The following MX1 variants were observed in gnomAD, a reference collection of about 807,000 sequenced individuals.
The protein encoded by MX1 is MX dynamin like GTPase 1, also known as interferon-induced GTP-binding protein Mx1.
A neutral mutation model predicts 66.4 loss-of-function variants in MX1; 66 were observed. The observed-to-expected ratio is 0.99, with a 90% CI of 0.82 to 1.22. MX1 has a LOEUF of 1.22. MX1 is among the 50% of genes most tolerant of loss of function. The pLI is 0.00. For synonymous variants in MX1, 311 were observed against 318.1 expected, an observed-to-expected ratio of 0.98 and a Z score of 0.24; for missense variants, 787 against 834.3, an observed-to-expected ratio of 0.94 and a Z score of 0.70.
rs1568987293 is a variant in MX1, at chr21:41,445,595, C to G, written c.1131+25C>G. Reference sequence around the variant, plus strand: ...TGTGAGTGTTGCCAGCTGCATGGAGCTGGAGAAGCACATGTCATGGTCAAA... The same window carrying G: ...TGTGAGTGTTGCCAGCTGCATGGAGGTGGAGAAGCACATGTCATGGTCAAA... On this transcript the variant is annotated intron_variant, in intron 12 of 16. Coordinates refer to ENST00000398598, the MANE Select transcript of MX1 (RefSeq NM_002462.5). 3.1e-6 allele frequency: 5 copies of G among 1,613,674 alleles called. No individual in the cohort carries two copies. Among genetic ancestry groups the G allele is most frequent in the East Asian group, 4.5e-5 (2 of 44,884 alleles).
At position 41,440,933 on chromosome 21, in the gene MX1, G is replaced by A. The variant is rs759719703; in HGVS notation, c.638G>A (p.Ser213Asn). 3 of 1,614,088 alleles carry A rather than the reference G, an allele frequency of 1.9e-6. No individual in the cohort carries two copies. In the African/African-American group the frequency reaches 4.0e-5, roughly 22 times the overall value. Residue 213 changes from serine to asparagine, a missense_variant, in exon 9 of 17, where the codon AGC (serine) becomes AAC (asparagine). Ser to Asn is a conservative substitution (Grantham distance 46, BLOSUM62 1). Transcript: ENST00000398598. ...KKYIQRQETI[S>N]LVVVPSNVDI... is the part of the protein sequence containing the mutation. ...TACATCCAGAGGCAGGAGACAATCA[G>A]CCTGGTGGTGGTCCCCAGTAATGTG... is the stretch of plus-strand genomic sequence containing the variant.
chr21:41,450,941 G>A (rs1277770100), intron 14 of MX1: 4 of 267,758 alleles, frequency 1.5e-5, no homozygotes, highest in African/African-American at 2.2e-5. Context: ...AGGATAAAAA[G>A]TTTAAATATC....
At position 41,440,980 on chromosome 21, in the gene MX1, C is replaced by G; in HGVS notation, c.685C>G (p.Leu229Val). The change falls in exon 9 of 17, where the codon CTC becomes GTC. Residue 229 changes from leucine to valine, a missense_variant. By Grantham distance (32) the Leu-to-Val change is conservative. Coordinates refer to ENST00000398598, the MANE Select transcript of MX1 (RefSeq NM_002462.5). ...SNVDIATTEA[L>V]SMAQEVDPEG... The stretch of plus-strand genomic sequence containing the variant: ...TGTGGACATCGCCACCACAGAGGCT[C>G]TCAGCATGGCCCAGGAGGTGGACCC... 2 of 1,614,218 alleles carry G rather than the reference C, an allele frequency of 1.2e-6. No individual in the cohort carries two copies. Among genetic ancestry groups the G allele is most frequent in the African/African-American group, 1.3e-5 (1 of 75,060 alleles).
Position 41,437,152 on chromosome 21 carries a change from G to T in MX1, c.436G>T (p.Ala146Ser). The T allele has an allele frequency of 6.2e-7, 1 of 1,613,968 alleles. No homozygotes were observed. The highest frequency in any genetic ancestry group is 1.1e-5 in the South Asian group (1 of 91,070). Reference sequence around the variant, plus strand: ...AGAGGTAGAAAAGGAAATTAATAAAGGTGAGTACCCCCTGTTTGGATGCCT... The same window carrying T: ...AGAGGTAGAAAAGGAAATTAATAAATGTGAGTACCCCCTGTTTGGATGCCT... ...ASEVEKEINK[A>S]QNAIAGEGMG... The change falls in exon 7 of 17, where the codon GCC becomes TCC. Residue 146 changes from alanine (A) to serine (S), a missense_variant and splice_region_variant. Coordinates refer to ENST00000398598, the MANE Select transcript of MX1 (RefSeq NM_002462.5).
chr21:41,454,107 AC>A (rs2090901988), intron 16 of MX1, among the ~76,000 whole-genome samples: 1 of 151,848 alleles, frequency 6.6e-6, no homozygotes, highest in African/African-American at 2.4e-5. Flanking sequence ...TTCCCCCCCC[AC>A]AAAACATGGC....
At chr21:41,421,524 G>A (rs2089993532), upstream of MX1, among the ~76,000 whole-genome samples, 2 of 152,242 alleles carry the variant, frequency 1.3e-5, no homozygotes, top group South Asian at 4.1e-4. Context: ...TTCCTAGGCA[G>A]AGGTCCCTGC....
chr21:41,432,109 A>G lies in MX1; in HGVS notation c.39A>G (p.Pro13=), dbSNP rs751836570. 21 of 1,614,082 alleles carry G rather than the reference A, an allele frequency of 1.3e-5. No individual in the cohort carries two copies. The highest frequency in any genetic ancestry group is 2.7e-5 in the African/African-American group (2 of 74,950). The change falls in exon 5 of 17, where the codon CCA becomes CCG. Residue 13 remains proline, a synonymous_variant. Transcript: ENST00000398598. ...AAGTGGACATCGCAAAAGCTGATCC[A>G]GCTGCTGCATCCCACCCTCTATTAC... The part of the protein sequence containing the change: ...VSEVDIAKAD[P]AAASHPLLLN...
At chr21:41,454,426 G>A (rs555890866) in intron 16 of MX1, among the ~76,000 whole-genome samples, 1 of 152,066 alleles carries the variant, frequency 6.6e-6, no homozygotes, top group South Asian at 2.1e-4. Context: ...ACTCCAAAAG[G>A]GCCTGGCTTC....
chr21:41,433,326 A>G (rs1568971218), intron 5 of MX1, among the ~76,000 whole-genome samples: 1 of 152,232 alleles, frequency 6.6e-6, no homozygotes, highest in South Asian at 2.1e-4. Flanking sequence ...TTTGAGGACC[A>G]TGTGTAAACC....
rs1698488034 is a variant in MX1 at position 41,452,660 on chromosome 21, G to A, written c.1549G>A (p.Gly517Ser). The change falls in exon 16 of 17, where the codon GGT (glycine) becomes AGT (serine). Residue 517 changes from glycine to serine, a missense_variant. Gly to Ser is a moderately conservative substitution (Grantham distance 56, BLOSUM62 0). Transcript: ENST00000398598. ...EDIRAEQERE[G>S]EKLIRLHFQM... ...CATTAGAGCAGAACAAGAGAGAGAA[G>A]GTGAGAAGCTGATCCGCCTCCACTT... 6 of 1,614,012 alleles carry A rather than the reference G, an allele frequency of 3.7e-6. No individual in the cohort carries two copies. Among genetic ancestry groups the A allele is most frequent in the Non-Finnish European group, 5.1e-6 (6 of 1,180,022 alleles).
rs764187030 is a variant in MX1 at position 41,441,038 on chromosome 21, G to A, written c.730+13G>A. On this transcript the variant is annotated intron_variant, in intron 9 of 16. Transcript: ENST00000398598. This position sits in a 1 kb window ranked among gnomAD's most constrained non-coding sequence, Gnocchi z 4.0. ...GACAGGACCATCGGTGAGAGTGGGG[G>A]AGCCCCACTGTGCTCAGTGAGAATG... The A allele has an allele frequency of 1.2e-6, 2 of 1,611,984 alleles. No homozygotes were observed. The highest frequency in any genetic ancestry group is 2.2e-5 in the East Asian group (1 of 44,856).
At position 41,459,058 on chromosome 21, in the gene MX1, T is replaced by G. The variant is rs1412022950; in HGVS notation, c.*300T>G. The G allele has an allele frequency of 2.0e-6, 1 of 501,800 alleles. No homozygotes were observed. The highest frequency in any genetic ancestry group is 3.6e-5 in the Admixed American group (1 of 27,514). 31.1% of individuals were successfully genotyped at this position (501,800 alleles called of 1,614,324 possible). On this transcript the variant is annotated 3_prime_UTR_variant, in exon 17 of 17. Transcript: ENST00000398598. ...CTTGCAGCTCTCCCCTTCTCTGTAT[T>G]CCTAGAAACTGACACATGCTGAACA...
At position 41,458,645 on chromosome 21, in the gene MX1, T is replaced by TA. The variant is rs750846473; in HGVS notation, c.1877dup (p.Tyr626Ter). The TA allele has an allele frequency of 1.9e-6, 3 of 1,614,224 alleles. No individual in the cohort carries two copies. Among genetic ancestry groups the TA allele is most frequent in the Non-Finnish European group, 2.5e-6 (3 of 1,180,042 alleles). ...MLQLLQDKDTYSWLLKERSDT... is the reference protein window; with the variant it reads ...MLQLLQDKDT ...GCAGCTCCTGCAGGACAAGGACACC[T>TA]ACAGCTGGCTCCTGAAGGAGCGGAG... Residue 626 changes from tyrosine to a stop codon, truncating the protein, a stop_gained and frameshift_variant, in exon 17 of 17, where the codon TAC (tyrosine) becomes TAAC (stop). Transcript: ENST00000398598. LOFTEE classifies it low-confidence loss of function (END_TRUNC).
At chr21:41,442,500 C>T (rs963195833) in intron 10 of MX1, among the ~76,000 whole-genome samples, 1 of 152,132 alleles carries the variant, frequency 6.6e-6, no homozygotes, top group African/African-American at 2.4e-5. Flanking sequence ...ATTTTTCTAT[C>T]CCTCCTACCA....
intron 4 of MX1, 108 bp from the exon 5 acceptor site, chr21:41,431,942 G>T (rs756328270): frequency 3.8e-6 from 3 of 789,098 alleles, no homozygotes; most frequent in Admixed American, 2.2e-5. Flanking sequence ...TGAACAACTA[G>T]TCAGAGTCCC....
At position 41,458,533 on chromosome 21, in the gene MX1, C is replaced by A; in HGVS notation, c.1764C>A (p.Ala588=). 2 of 1,614,104 alleles carry A rather than the reference C, an allele frequency of 1.2e-6. No individual in the cohort carries two copies. The highest frequency in any genetic ancestry group is 1.7e-6 in the Non-Finnish European group (2 of 1,180,024). The change falls in exon 17 of 17, where the codon GCC becomes GCA. Residue 588 remains alanine, a synonymous_variant. Coordinates refer to ENST00000398598, the MANE Select transcript of MX1 (RefSeq NM_002462.5). The part of the protein sequence containing the change: ...FQHLMAYHQE[A]SKRISSHIPL... ...GAACTGTTCTTTCCTTCCAGGAGGC[C>A]AGCAAGCGCATCTCCAGCCACATCC...
intron 5 of MX1, among the ~76,000 whole-genome samples, chr21:41,433,025 G>A (rs963756363): frequency 2.6e-5 from 4 of 152,228 alleles, no homozygotes; most frequent in Non-Finnish European, 5.9e-5. Flanking sequence ...GTATGGGGCA[G>A]GAGGAACTCT....
Position 41,441,735 on chromosome 21 carries a change from T to A in MX1, c.750T>A (p.Asp250Glu). The change falls in exon 10 of 17, where the codon GAT becomes GAA. Residue 250 changes from aspartate (D) to glutamate (E), a missense_variant. Physicochemically the swap from Asp to Glu is conservative, Grantham distance 45. Coordinates refer to ENST00000398598, the MANE Select transcript of MX1 (RefSeq NM_002462.5). The surrounding 1 kb of genome is among the most constrained non-coding windows in gnomAD (Gnocchi z 4.0). ...DRTIGILTKP[D>E]LVDKGTEDKV... ...TCGCAGGAATCTTGACGAAGCCTGATCTGGTGGACAAAGGAACTGAAGACA... is the reference window on the plus strand; with the variant it reads ...TCGCAGGAATCTTGACGAAGCCTGAACTGGTGGACAAAGGAACTGAAGACA... 1 of 1,614,142 alleles carries A rather than the reference T, an allele frequency of 6.2e-7. No individual in the cohort carries two copies. Among genetic ancestry groups the A allele is most frequent in the South Asian group, 1.1e-5 (1 of 91,078 alleles).
intron 3 of MX1, chr21:41,428,324 A>G (rs1030931615): frequency 1.3e-5 from 2 of 152,270 alleles, no homozygotes; most frequent in African/African-American, 4.8e-5. Context: ...TTCAGGATTT[A>G]TTGTGAGAGA....
Sources: allele counts gnomAD v4.1 joint callset (sites outside exome capture counted in the v4.1 genomes callset), GRCh38; gene constraint gnomAD v4.1.1; non-coding constraint Gnocchi (gnomAD v3.1); transcripts MANE v1.5; gene names NCBI Gene and HGNC (gene_info 2026-07-23, HGNC 2026-07-21).